Variants in IL1RAPL1 observed in about 807,000 individuals in gnomAD.
The protein encoded by IL1RAPL1 is interleukin-1 receptor accessory protein-like 1.
Under a neutral mutation model 48.4 loss-of-function variants are expected in IL1RAPL1, and 3 were observed. The observed-to-expected ratio is 0.06, with a 90% CI of 0.03 to 0.16. The LOEUF is 0.16. IL1RAPL1 is among the 10% of genes least tolerant of loss of function. IL1RAPL1 has a pLI of 1.00. For missense variants in IL1RAPL1, 349 were observed against 530.6 expected (o/e 0.66, Z 3.36); for synonymous variants, 185 against 187.7 (o/e 0.99, Z 0.12).
intron 1 of IL1RAPL1, among the ~76,000 whole-genome samples, chrX:28,701,319 T>TCAC (rs1935293714): frequency 8.9e-6 from 1 of 112,241 alleles, no homozygotes; most frequent in Admixed American, 9.5e-5. Context: ...ATGGTATATG[T>TCAC]TTGCTAACTC....
At chrX:28,672,591 A>G (rs982525842) in intron 1 of IL1RAPL1, among the ~76,000 whole-genome samples, 23 of 110,513 alleles carry the variant, frequency 2.1e-4, no homozygotes, top group African/African-American at 6.3e-4. Context: ...TCTAACTTCT[A>G]TTAATTCTGT....
At chrX:29,234,569 A>G (rs969423471) in intron 2 of IL1RAPL1, among the ~76,000 whole-genome samples, 1 of 112,252 alleles carries the variant, frequency 8.9e-6, no homozygotes, top group Non-Finnish European at 1.9e-5. Flanking sequence ...GATGGACTCA[A>G]TGAATAAATA....
intron 2 of IL1RAPL1, among the ~76,000 whole-genome samples, chrX:28,849,091 T>C (rs1360416643): frequency 1.8e-5 from 2 of 108,415 alleles, no homozygotes; most frequent in Non-Finnish European, 3.8e-5. Flanking sequence ...TACTTACCTA[T>C]GTAGAGCTTG....
At chrX:28,805,864 T>C (rs935032621) in intron 2 of IL1RAPL1, among the ~76,000 whole-genome samples, 1 of 105,613 alleles carries the variant, frequency 9.5e-6, no homozygotes, top group African/African-American at 3.7e-5. Context: ...TATATGTATG[T>C]ATATATATAT....
At chrX:29,123,263 C>A (rs5985822) in intron 2 of IL1RAPL1, among the ~76,000 whole-genome samples, 24,385 of 109,534 alleles carry the variant, frequency 0.22, 2,468 homozygotes, top group African/African-American at 0.39. Context: ...CTCCTGACCT[C>A]AAGTGATCCA....
intron 2 of IL1RAPL1, among the ~76,000 whole-genome samples, chrX:29,232,267 A>T (rs1931215804): frequency 8.9e-6 from 1 of 111,736 alleles, no homozygotes; most frequent in Non-Finnish European, 1.9e-5. Context: ...GGATACAGAG[A>T]TGATAAGACA....
intron 6 of IL1RAPL1, among the ~76,000 whole-genome samples, chrX:29,684,808 C>T (rs1475202483): frequency 8.9e-6 from 1 of 111,979 alleles, no homozygotes; most frequent in Non-Finnish European, 1.9e-5. Flanking sequence ...CAGAGTTTTA[C>T]TCTTTAAAAA....
At chrX:28,982,918 A>G (rs901061423) in intron 2 of IL1RAPL1, 1 of 111,637 alleles carries the variant, frequency 9.0e-6, no homozygotes, top group Non-Finnish European at 1.9e-5. Context: ...AACCCTGCTT[A>G]GCTTCTGAGA....
chrX:28,948,793 C>T (rs1601972240), intron 2 of IL1RAPL1, among the ~76,000 whole-genome samples: 1 of 110,804 alleles, frequency 9.0e-6, no homozygotes, highest in Non-Finnish European at 1.9e-5. Flanking sequence ...AGTACTGTGC[C>T]CTATATATAC....
At chrX:28,659,629 A>G (rs946180931) in intron 1 of IL1RAPL1, among the ~76,000 whole-genome samples, 1 of 111,856 alleles carries the variant, frequency 8.9e-6, no homozygotes, top group Non-Finnish European at 1.9e-5. Context: ...AATTGCTCCA[A>G]TTAGTTGTAA....
chrX:29,576,653 A>G (rs1922785307), intron 5 of IL1RAPL1, among the ~76,000 whole-genome samples: 1 of 109,230 alleles, frequency 9.2e-6, no homozygotes, highest in Non-Finnish European at 1.9e-5. Context: ...TGTTGCCTTG[A>G]CTGTAGGGTA....
At chrX:28,649,832 C>T (rs928009434) in intron 1 of IL1RAPL1, among the ~76,000 whole-genome samples, 9 of 111,815 alleles carry the variant, frequency 8.0e-5, no homozygotes, top group African/African-American at 2.3e-4. Context: ...CACATAAGTG[C>T]CCTGTTTGCT....
intron 1 of IL1RAPL1, among the ~76,000 whole-genome samples, chrX:28,733,318 C>A (rs1222773377): frequency 1.8e-5 from 2 of 110,587 alleles, no homozygotes; most frequent in Admixed American, 1.9e-4. Context: ...TTTTTGTATA[C>A]CATCCCCCAG....
chrX:28,613,050 G>C (rs1272394404), intron 1 of IL1RAPL1, among the ~76,000 whole-genome samples: 1 of 111,740 alleles, frequency 8.9e-6, no homozygotes, highest in Non-Finnish European at 1.9e-5. Flanking sequence ...CTGTGTGGAG[G>C]GTATCACTGT....
At chrX:29,176,779 G>A (rs1286421615) in intron 2 of IL1RAPL1, among the ~76,000 whole-genome samples, 1 of 110,411 alleles carries the variant, frequency 9.1e-6, no homozygotes, top group African/African-American at 3.3e-5. Flanking sequence ...CTGCTGTATT[G>A]TGCCCCCTTC....
chrX:29,383,809 A>C (rs1165758942), intron 3 of IL1RAPL1, among the ~76,000 whole-genome samples: 3 of 112,000 alleles, frequency 2.7e-5, no homozygotes, highest in Non-Finnish European at 5.6e-5. Context: ...TAGAATAAAA[A>C]AGTTCCCTTC....
At chrX:29,079,932 A>G (rs955781575) in intron 2 of IL1RAPL1, among the ~76,000 whole-genome samples, 5 of 111,698 alleles carry the variant, frequency 4.5e-5, no homozygotes, top group African/African-American at 1.6e-4. Flanking sequence ...GGTTGGCAAC[A>G]CCAACAAACC....
At chrX:29,604,599 C>T (rs772371603) in intron 5 of IL1RAPL1, among the ~76,000 whole-genome samples, 4 of 110,609 alleles carry the variant, frequency 3.6e-5, no homozygotes, top group African/African-American at 9.9e-5. Flanking sequence ...CCACCGTACC[C>T]GGCCCCAAAT....
intron 6 of IL1RAPL1, among the ~76,000 whole-genome samples, chrX:29,855,345 C>T (rs1231981640): frequency 6.2e-5 from 7 of 112,234 alleles, no homozygotes; most frequent in Non-Finnish European, 1.9e-5. Flanking sequence ...CATGTACGCT[C>T]ATATGCGCAT....
Sources: allele counts gnomAD v4.1 joint callset (sites outside exome capture counted in the v4.1 genomes callset), GRCh38; gene constraint gnomAD v4.1.1; transcripts MANE v1.5; gene names NCBI Gene and HGNC (gene_info 2026-07-23, HGNC 2026-07-21).